The following RALGPS1 variants were observed in gnomAD, a reference collection of about 807,000 sequenced individuals.
RALGPS1 encodes the protein ras-specific guanine nucleotide-releasing factor RalGPS1.
In RALGPS1, 19 loss-of-function variants were observed where a neutral mutation model predicts 78.8. That is an observed-to-expected ratio of 0.24 (90% CI 0.17 to 0.35). The LOEUF (loss-of-function observed/expected upper bound fraction) is 0.35. Ranked by LOEUF, RALGPS1 falls within the 10% of genes least tolerant of loss-of-function variation. The probability of loss-of-function intolerance (pLI) is 1.00; values close to 1 mark genes in which losing one functional copy is unlikely to be tolerated. For missense variants in RALGPS1, 454 were observed against 688.3 expected (o/e 0.66, Z 3.81); for synonymous variants, 228 against 256.3 (o/e 0.89, Z 1.06).
chr9:127,019,896 ATAC>A (rs2045281130), intron 4 of RALGPS1, among the ~76,000 whole-genome samples: 1 of 152,198 alleles, frequency 6.6e-6, no homozygotes, highest in African/African-American at 2.4e-5. Flanking sequence ...TTTGAGACAG[ATAC>A]TACTAAGCTT....
intron 11 of RALGPS1, among the ~76,000 whole-genome samples, chr9:127,192,382 G>A (rs1397875760): frequency 2.0e-5 from 3 of 152,246 alleles, no homozygotes; most frequent in African/African-American, 7.2e-5. Context: ...GCTGGAAACA[G>A]GAGAAGGAGT....
intron 1 of RALGPS1, among the ~76,000 whole-genome samples, chr9:126,954,792 G>A (rs2038190907): frequency 6.6e-6 from 1 of 152,202 alleles, no homozygotes; most frequent in Non-Finnish European, 1.5e-5. Context: ...CTGGGTGACA[G>A]AGTGAGACTC....
At chr9:126,952,628 T>TGAGA (rs34773282) in intron 1 of RALGPS1, among the ~76,000 whole-genome samples, 408 of 138,994 alleles carry the variant, frequency 2.9e-3, no homozygotes, top group African/African-American at 8.2e-3. Context: ...TGGCTGTGGC[T>TGAGA]GAGAGAGAGA....
At chr9:126,994,481 A>G (rs1006118487) in intron 4 of RALGPS1, among the ~76,000 whole-genome samples, 3 of 152,230 alleles carry the variant, frequency 2.0e-5, no homozygotes, top group African/African-American at 7.2e-5. Flanking sequence ...GTTTAGAGAA[A>G]AAAGAGTAAA....
chr9:126,975,981 G>A (rs1006354901), intron 3 of RALGPS1, among the ~76,000 whole-genome samples: 1 of 152,194 alleles, frequency 6.6e-6, no homozygotes, highest in Non-Finnish European at 1.5e-5. Context: ...ACTGAAGCCA[G>A]CTGCATGTTT....
chr9:127,119,726 C>G (rs1824572283), intron 8 of RALGPS1, among the ~76,000 whole-genome samples: 1 of 152,238 alleles, frequency 6.6e-6, no homozygotes, highest in Non-Finnish European at 1.5e-5. Flanking sequence ...TCAGCAATAA[C>G]ATGTAGTCCC....
chr9:127,177,020 T>G (rs1406802578), intron 11 of RALGPS1, among the ~76,000 whole-genome samples: 1 of 152,222 alleles, frequency 6.6e-6, no homozygotes, highest in Non-Finnish European at 1.5e-5. Context: ...TGGCCTTTAT[T>G]TCAGCTCTTG....
chr9:127,113,524 C>T (rs2055077603), intron 8 of RALGPS1, among the ~76,000 whole-genome samples: 1 of 150,142 alleles, frequency 6.7e-6, no homozygotes, highest in Admixed American at 6.6e-5. Flanking sequence ...CCCGGCATTC[C>T]AGCCATCTTA....
intron 5 of RALGPS1, among the ~76,000 whole-genome samples, chr9:127,043,528 C>G (rs187728023): frequency 6.6e-6 from 1 of 152,016 alleles, no homozygotes; most frequent in East Asian, 1.9e-4. Context: ...TAGAAGAAAA[C>G]CTGTATGACC....
chr9:127,200,393 G>A (rs540461516), intron 14 of RALGPS1, among the ~76,000 whole-genome samples: 4 of 152,320 alleles, frequency 2.6e-5, no homozygotes, highest in East Asian at 1.9e-4. Context: ...TAGTGTCCCC[G>A]TTTTATACAT....
intron 8 of RALGPS1, among the ~76,000 whole-genome samples, chr9:127,120,658 T>C (rs1209226783): frequency 2.6e-5 from 4 of 152,090 alleles, no homozygotes; most frequent in African/African-American, 9.7e-5. Flanking sequence ...CCGTCTCTAC[T>C]GAAAATACAC....
chr9:127,075,053 C>G (rs2050559056), intron 8 of RALGPS1, among the ~76,000 whole-genome samples: 1 of 152,212 alleles, frequency 6.6e-6, no homozygotes, highest in African/African-American at 2.4e-5. Context: ...GCCTTCAGGC[C>G]TCTTGCCCCT....
At chr9:127,018,647 G>GATGATAATA (rs1554791142) in intron 4 of RALGPS1, among the ~76,000 whole-genome samples, 6 of 147,054 alleles carry the variant, frequency 4.1e-5, no homozygotes, top group East Asian at 2.0e-4. Flanking sequence ...TAATAATGAT[G>GATGATAATA]ATAATAATAA....
chr9:127,108,361 C>T (rs1388068338), intron 8 of RALGPS1: 7 of 1,611,274 alleles, frequency 4.3e-6, no homozygotes, highest in Non-Finnish European at 5.9e-6. Flanking sequence ...GCTCTCCTTG[C>T]GCAGCAGCTT....
At chr9:126,966,438 T>G (rs2039500286) in intron 3 of RALGPS1, among the ~76,000 whole-genome samples, 1 of 151,472 alleles carries the variant, frequency 6.6e-6, no homozygotes, top group South Asian at 2.1e-4. Context: ...AGAGGATTGC[T>G]TCAGCCTGGG....
At chr9:127,016,049 T>C (rs1178986214) in intron 4 of RALGPS1, among the ~76,000 whole-genome samples, 1 of 151,852 alleles carries the variant, frequency 6.6e-6, no homozygotes, top group Non-Finnish European at 1.5e-5. Flanking sequence ...ACCTGAGTTT[T>C]CCATTTGCAT....
At chr9:127,101,793 A>G (rs1199800157) in intron 8 of RALGPS1, among the ~76,000 whole-genome samples, 2 of 152,176 alleles carry the variant, frequency 1.3e-5, no homozygotes, top group African/African-American at 2.4e-5. Context: ...CTTAATTTCA[A>G]CATTTAGGAG....
intron 8 of RALGPS1, among the ~76,000 whole-genome samples, chr9:127,092,273 C>T (rs897848662): frequency 6.6e-6 from 1 of 152,196 alleles, no homozygotes; most frequent in African/African-American, 2.4e-5. Context: ...AGGCACGCAG[C>T]AGGCATTCCT....
chr9:127,067,739 C>T (rs910389789), intron 7 of RALGPS1, among the ~76,000 whole-genome samples: 7 of 152,230 alleles, frequency 4.6e-5, no homozygotes, highest in Admixed American at 3.3e-4. Flanking sequence ...TATTCATGCT[C>T]TTGGGCTTAG....
Sources: gnomAD v4.1 joint callset for allele counts (sites outside exome capture counted in the v4.1 genomes callset) on GRCh38, gnomAD v4.1.1 for gene constraint, MANE v1.5 for transcripts, NCBI Gene and HGNC (gene_info 2026-07-23, HGNC 2026-07-21) for gene names.